Variants in SLC16A10 observed in about 807,000 individuals in gnomAD.
The protein encoded by SLC16A10 is monocarboxylate transporter 10.
Under a neutral mutation model 40.0 loss-of-function variants are expected in SLC16A10, and 27 were observed. The observed-to-expected ratio is 0.67, with a 90% CI of 0.50 to 0.93. SLC16A10 has a LOEUF of 0.93. SLC16A10 is among the 40% of genes least tolerant of loss of function. The pLI is 0.00. For synonymous variants in SLC16A10, 213 were observed against 249.8 expected, an observed-to-expected ratio of 0.85 and a Z score of 1.39; for missense variants, 529 against 658.2, an observed-to-expected ratio of 0.80 and a Z score of 2.15.
chr6:111,221,745 CAA>C (rs571830288), intron 5 of SLC16A10, among the ~76,000 whole-genome samples: 4 of 120,642 alleles, frequency 3.3e-5, no homozygotes, highest in Non-Finnish European at 1.8e-5. Flanking sequence ...GACCCTGTCT[CAA>C]AAAAAAAAAA....
At chr6:111,167,600 T>C (rs1444808241) in intron 1 of SLC16A10, among the ~76,000 whole-genome samples, 1 of 151,862 alleles carries the variant, frequency 6.6e-6, no homozygotes, top group East Asian at 1.9e-4. Context: ...TAGAAGGACC[T>C]AGAGGGACTA....
At chr6:111,162,775 A>C (rs1035577520) in intron 1 of SLC16A10, among the ~76,000 whole-genome samples, 2 of 152,222 alleles carry the variant, frequency 1.3e-5, no homozygotes, top group African/African-American at 4.8e-5. Context: ...GCTCAACATG[A>C]AAGTTTCCTT....
Position 111,177,247 on chromosome 6 carries a change from T to G in SLC16A10, c.524T>G (p.Ile175Arg). 6.3e-7 allele frequency: 1 copy of G among 1,575,472 alleles called. No individual in the cohort carries two copies. The highest frequency in any genetic ancestry group is 8.6e-7 in the Non-Finnish European group (1 of 1,163,622). Reference sequence around the variant, plus strand: ...CCTCTGTACCTTACCTATGGAATCATATTTGCCTGCGGCTGCTCCTTTGCA... The same window carrying G: ...CCTCTGTACCTTACCTATGGAATCAGATTTGCCTGCGGCTGCTCCTTTGCA... ...IEPLYLTYGI[I>R]FACGCSFAYQ... The change falls in exon 3 of 6, where the codon ATA becomes AGA. Residue 175 changes from isoleucine to arginine, a missense_variant. Coordinates refer to ENST00000368851, the MANE Select transcript of SLC16A10 (RefSeq NM_018593.5).
At chr6:111,220,009 C>A (rs941128046) in intron 5 of SLC16A10, among the ~76,000 whole-genome samples, 1 of 152,166 alleles carries the variant, frequency 6.6e-6, no homozygotes, top group African/African-American at 2.4e-5. Flanking sequence ...GGATCTATTG[C>A]GCCTGGGAGA....
At chr6:111,186,811 C>G (rs1206901676) in intron 3 of SLC16A10, among the ~76,000 whole-genome samples, 2 of 152,122 alleles carry the variant, frequency 1.3e-5, no homozygotes, top group Non-Finnish European at 2.9e-5. Context: ...ATCTCTGGCT[C>G]TTTTGCCCCT....
In SLC16A10 at chr6:111,229,992, T is replaced by TTTTTTTC. The variant is rs1347236955; in HGVS notation, c.*7763_*7764insCTTTTTT. On this transcript the variant is annotated 3_prime_UTR_variant, in exon 6 of 6. Transcript: ENST00000368851. ...GGTTTCTTTTTCTTTCTTTGTTTCT[T>TTTTTTTC]TTTTTTTTTTTTTTTTGAGATGGAG... 3.9e-3 allele frequency: 500 copies of TTTTTTTC among 126,626 alleles called. 24 individuals are homozygous for TTTTTTTC. The highest frequency in any genetic ancestry group is 0.013 in the African/African-American group (436 of 32,506). 7.8% of individuals were successfully genotyped at this position (126,626 alleles called of 1,614,324 possible). A position where few individuals can be genotyped will look rare whatever the true frequency, so the allele number is the denominator to read the frequency against.
At chr6:111,195,963 G>A (rs1773073286) in intron 3 of SLC16A10, among the ~76,000 whole-genome samples, 1 of 151,988 alleles carries the variant, frequency 6.6e-6, no homozygotes, top group South Asian at 2.1e-4. Context: ...CCACATCCTT[G>A]GATTCAACCA....
chr6:111,147,989 GT>G (rs1772109213), intron 1 of SLC16A10, among the ~76,000 whole-genome samples: 1 of 152,160 alleles, frequency 6.6e-6, no homozygotes, highest in Non-Finnish European at 1.5e-5. Flanking sequence ...TTGATCATCA[GT>G]GTACCTTCCC....
At chr6:111,200,378 A>G (rs904789926) in intron 3 of SLC16A10, among the ~76,000 whole-genome samples, 1 of 152,236 alleles carries the variant, frequency 6.6e-6, no homozygotes, top group Non-Finnish European at 1.5e-5. Context: ...ATCAGTGGCC[A>G]TAAAGTTTTA....
At chr6:111,143,746 C>G (rs1772025650) in intron 1 of SLC16A10, among the ~76,000 whole-genome samples, 1 of 152,116 alleles carries the variant, frequency 6.6e-6, no homozygotes, top group South Asian at 2.1e-4. Flanking sequence ...TGAAATGTCT[C>G]TGATACAGTA....
intron 1 of SLC16A10, among the ~76,000 whole-genome samples, chr6:111,117,497 A>G (rs969065644): frequency 6.6e-6 from 1 of 152,210 alleles, no homozygotes; most frequent in Non-Finnish European, 1.5e-5. Context: ...TTTGTTTGCA[A>G]TAATGCAATT....
At chr6:111,117,983 T>C (rs1345834517) in intron 1 of SLC16A10, among the ~76,000 whole-genome samples, 1 of 152,160 alleles carries the variant, frequency 6.6e-6, no homozygotes, top group Non-Finnish European at 1.5e-5. Context: ...TAAGAAAGGA[T>C]AGGACATTGG....
chr6:111,129,502 C>T (rs1771743506), intron 1 of SLC16A10, among the ~76,000 whole-genome samples: 1 of 152,006 alleles, frequency 6.6e-6, no homozygotes, highest in Admixed American at 6.6e-5. Context: ...GTTATAAAGC[C>T]AGTTTTATCA....
chr6:111,145,121 T>G (rs913236127), intron 1 of SLC16A10, among the ~76,000 whole-genome samples: 2 of 151,278 alleles, frequency 1.3e-5, no homozygotes, highest in Admixed American at 6.6e-5. Context: ...TGTGAGCCAC[T>G]GCACCTGGCC....
chr6:111,121,368 C>T (rs1207223855), intron 1 of SLC16A10, among the ~76,000 whole-genome samples: 2 of 152,152 alleles, frequency 1.3e-5, no homozygotes, highest in Non-Finnish European at 2.9e-5. Context: ...TCAAGACCAG[C>T]CTGGGCAACA....
At chr6:111,132,577 C>G (rs1233335555) in intron 1 of SLC16A10, among the ~76,000 whole-genome samples, 1 of 152,222 alleles carries the variant, frequency 6.6e-6, no homozygotes, top group African/African-American at 2.4e-5. Flanking sequence ...TACACCTCAC[C>G]AGTTCAAAAC....
At chr6:111,188,274 T>TCTCCCTCC (rs1202748453) in intron 3 of SLC16A10, among the ~76,000 whole-genome samples, 4 of 142,308 alleles carry the variant, frequency 2.8e-5, no homozygotes, top group East Asian at 2.2e-4. Flanking sequence ...TCTCTCCCTC[T>TCTCCCTCC]CTCCCTCCCT....
chr6:111,192,750 G>A (rs141675161), intron 3 of SLC16A10, among the ~76,000 whole-genome samples: 81 of 152,240 alleles, frequency 5.3e-4, no homozygotes, highest in African/African-American at 1.8e-3. Context: ...TGTCTTACAC[G>A]GCAGGAGGCA....
intron 1 of SLC16A10, among the ~76,000 whole-genome samples, chr6:111,118,391 T>C (rs1345606996): frequency 6.6e-6 from 1 of 152,120 alleles, no homozygotes; most frequent in Non-Finnish European, 1.5e-5. Flanking sequence ...CCTGTAAAGA[T>C]GAATTATTGG....
Sources: allele counts gnomAD v4.1 joint callset (sites outside exome capture counted in the v4.1 genomes callset), GRCh38; gene constraint gnomAD v4.1.1; transcripts MANE v1.5; gene names NCBI Gene and HGNC (gene_info 2026-07-23, HGNC 2026-07-21).